Variants in MTMR14 observed in about 807,000 individuals in gnomAD.
MTMR14 encodes the protein myotubularin related protein 14, also known as phosphatidylinositol-3,5-bisphosphate 3-phosphatase MTMR14.
In MTMR14, 48 loss-of-function variants were observed where a neutral mutation model predicts 86.3. That is an observed-to-expected ratio of 0.56 (90% CI 0.44 to 0.71). The LOEUF is 0.71. MTMR14 is among the 30% of genes least tolerant of loss of function. The probability of loss-of-function intolerance (pLI) is 0.00; values close to 1 mark genes in which losing one functional copy is unlikely to be tolerated. For missense variants in MTMR14, 780 were observed against 834.6 expected, an observed-to-expected ratio of 0.93 and a Z score of 0.81; for synonymous variants, 366 against 326.1, an observed-to-expected ratio of 1.12 and a Z score of -1.32.
chr3:9,654,403 T>G (rs949168499), intron 2 of MTMR14, among the ~76,000 whole-genome samples: 1 of 152,222 alleles, frequency 6.6e-6, no homozygotes, highest in African/African-American at 2.4e-5. Context: ...AGCTACCATT[T>G]ATGGTGGGCC....
chr3:9,689,960 G>T lies in MTMR14; in HGVS notation c.1434-4G>T. The T allele has an allele frequency of 6.2e-7, 1 of 1,608,342 alleles. No homozygotes were observed. Among genetic ancestry groups the T allele is most frequent in the Non-Finnish European group, 8.5e-7 (1 of 1,178,386 alleles). On this transcript the variant is annotated splice_polypyrimidine_tract_variant and splice_region_variant and intron_variant, in intron 16 of 18. Transcript: ENST00000296003. ...GGCTCACAGCCCTGCTCCTTCCACTGCAGGAGGAAGAGCCACTCATCCTCT... is the reference window on the plus strand; with the variant it reads ...GGCTCACAGCCCTGCTCCTTCCACTTCAGGAGGAAGAGCCACTCATCCTCT...
intron 9 of MTMR14, among the ~76,000 whole-genome samples, chr3:9,679,509 G>A (rs1205337836): frequency 6.6e-6 from 1 of 152,200 alleles, no homozygotes; most frequent in Non-Finnish European, 1.5e-5. Flanking sequence ...CAAATGAGAT[G>A]TGACAGTTCC....
At chr3:9,680,966 A>G (rs1340749012) in intron 9 of MTMR14, among the ~76,000 whole-genome samples, 1 of 152,202 alleles carries the variant, frequency 6.6e-6, no homozygotes, top group East Asian at 1.9e-4. Context: ...ACCTCTGAGA[A>G]GCCTTCTCTG....
At chr3:9,689,192 C>A in intron 16 of MTMR14, 110 bp downstream of exon 16, 1 of 1,488,110 alleles carries the variant, frequency 6.7e-7, no homozygotes, top group Non-Finnish European at 9.1e-7. Context: ...AAGAGAAGAG[C>A]TGAGAGGATA....
chr3:9,672,160 T>C (rs1264259381), intron 6 of MTMR14, among the ~76,000 whole-genome samples: 1 of 152,226 alleles, frequency 6.6e-6, no homozygotes, highest in Non-Finnish European at 1.5e-5. Context: ...TTTCCACCTT[T>C]AGGCTCTGAT....
chr3:9,652,826 C>A (rs1349799683), intron 1 of MTMR14, among the ~76,000 whole-genome samples: 1 of 152,000 alleles, frequency 6.6e-6, no homozygotes, highest in Non-Finnish European at 1.5e-5. Flanking sequence ...CCCATCTCTA[C>A]TAAAAATATG....
At chr3:9,689,787 C>T (rs186833981) in intron 16 of MTMR14, among the ~76,000 whole-genome samples, 177 bp from the exon 17 acceptor site, 57 of 152,366 alleles carry the variant, frequency 3.7e-4, no homozygotes, top group African/African-American at 9.1e-4. Context: ...CACAGGCCCT[C>T]CATAAAGACC....
intron 17 of MTMR14, among the ~76,000 whole-genome samples, chr3:9,691,713 G>T (rs1412164254): frequency 6.6e-6 from 1 of 152,148 alleles, no homozygotes; most frequent in Non-Finnish European, 1.5e-5. Flanking sequence ...CTTTCTGCTT[G>T]CAGGGCGTGT....
chr3:9,665,606 A>C (rs930680988), intron 3 of MTMR14, among the ~76,000 whole-genome samples: 1 of 152,234 alleles, frequency 6.6e-6, no homozygotes, highest in African/African-American at 2.4e-5. Flanking sequence ...AAACTTGCAC[A>C]GGTACCCCTG....
chr3:9,675,495 T>C (rs2048807214), intron 7 of MTMR14: 1 of 449,346 alleles, frequency 2.2e-6, no homozygotes, highest in African/African-American at 2.0e-5. Context: ...TGTCACACTA[T>C]CTTGGGCCCT....
In MTMR14 at chr3:9,702,116, A is replaced by G. The variant is rs533183646; in HGVS notation, c.*143A>G. 1.0e-4 allele frequency: 113 copies of G among 1,092,634 alleles called. No homozygotes were observed. The highest frequency in any genetic ancestry group is 1.0e-3 in the South Asian group (78 of 75,576). 67.7% of individuals were successfully genotyped at this position (1,092,634 alleles called of 1,614,324 possible). A position where few individuals can be genotyped will look rare whatever the true frequency, so the allele number is the denominator to read the frequency against. On this transcript the variant is annotated 3_prime_UTR_variant, in exon 19 of 19. Transcript: ENST00000296003. The stretch of plus-strand genomic sequence containing the variant: ...TCCATCATGAACATGGCAGCCCCAA[A>G]GCTGAGCAAGGCCAAAGACAGGGTT...
intron 17 of MTMR14, among the ~76,000 whole-genome samples, chr3:9,695,242 A>T (rs1433947462): frequency 6.6e-6 from 1 of 152,158 alleles, no homozygotes; most frequent in Non-Finnish European, 1.5e-5. Flanking sequence ...CAGCCAGCTA[A>T]TCCATGGTGG....
rs778809093 is a variant in MTMR14 at position 9,683,270 on chromosome 3, C to T, written c.964+26C>T. 11 of 1,598,864 alleles carry T rather than the reference C, an allele frequency of 6.9e-6. No individual in the cohort carries two copies. The African/African-American group carries it at 9.4e-5, about 14-fold the overall frequency. On this transcript the variant is annotated intron_variant, in intron 10 of 18. Transcript: ENST00000296003. Reference sequence around the variant, plus strand: ...GTGAGTCTGTCTCCTCCAGAGCCCTCGAGCCACTGCACCCTTGGGGAGTTC... The same window carrying T: ...GTGAGTCTGTCTCCTCCAGAGCCCTTGAGCCACTGCACCCTTGGGGAGTTC...
chr3:9,660,217 C>T (rs1574946725), intron 2 of MTMR14, among the ~76,000 whole-genome samples: 1 of 151,306 alleles, frequency 6.6e-6, no homozygotes, highest in Non-Finnish European at 1.5e-5. Flanking sequence ...AGCTTGTGTG[C>T]CTAGGGCTGC....
chr3:9,653,796 A>C, intron 2 of MTMR14, 27 bp downstream of exon 2: 3 of 1,614,042 alleles, frequency 1.9e-6, no homozygotes, highest in South Asian at 1.1e-5. Flanking sequence ...CGTAGTGTAC[A>C]TGTCTGGGGA....
intron 9 of MTMR14, among the ~76,000 whole-genome samples, chr3:9,681,630 CTT>C (rs974901586): frequency 1.3e-5 from 2 of 152,320 alleles, no homozygotes; most frequent in East Asian, 1.9e-4. Flanking sequence ...CTCCCAGAGA[CTT>C]TTTCATGAAG....
intron 2 of MTMR14, among the ~76,000 whole-genome samples, chr3:9,657,404 C>A (rs1162459417): frequency 6.6e-6 from 1 of 152,146 alleles, no homozygotes; most frequent in Non-Finnish European, 1.5e-5. Context: ...AAAAGCTTTT[C>A]CTGGAAGGAA....
At position 9,662,252 on chromosome 3, in the gene MTMR14, T is replaced by C; in HGVS notation, c.309-15T>C. On this transcript the variant is annotated splice_polypyrimidine_tract_variant and intron_variant, in intron 2 of 18. Coordinates refer to ENST00000296003, the MANE Select transcript of MTMR14 (RefSeq NM_001077525.3). ...TCAAAGTCAGCTTGACCTGCTTCTC[T>C]TGCCTGTGTGTTAGGTTTGAGAGTA... 1.2e-6 allele frequency: 2 copies of C among 1,611,180 alleles called. No individual in the cohort carries two copies. Among genetic ancestry groups the C allele is most frequent in the Non-Finnish European group, 1.7e-6 (2 of 1,178,372 alleles).
chr3:9,688,624 A>T, intron 14 of MTMR14, 72 bp from the exon 15 acceptor site: 5 of 1,567,486 alleles, frequency 3.2e-6, no homozygotes, highest in Non-Finnish European at 4.4e-6. Context: ...CAGGACAGGC[A>T]GGATTGGGAA....
Sources: allele counts gnomAD v4.1 joint callset (sites outside exome capture counted in the v4.1 genomes callset), GRCh38; gene constraint gnomAD v4.1.1; transcripts MANE v1.5; gene names NCBI Gene and HGNC (gene_info 2026-07-23, HGNC 2026-07-21).